NELL1: variants seen among roughly 807,000 people sequenced by gnomAD.
NELL1 encodes the protein protein kinase C-binding protein NELL1.
A neutral mutation model predicts 107.4 loss-of-function variants in NELL1; 76 were observed. The observed-to-expected ratio is 0.71, with a 90% CI of 0.59 to 0.86. The LOEUF is 0.86. Ranked by LOEUF, NELL1 falls within the 40% of genes least tolerant of loss-of-function variation. The probability of loss-of-function intolerance (pLI) is 0.00; values close to 1 mark genes in which losing one functional copy is unlikely to be tolerated. For synonymous variants in NELL1, 353 were observed against 341.2 expected (o/e 1.03, Z -0.38); for missense variants, 1,024 against 1,005.5 (o/e 1.02, Z -0.25).
chr11:21,023,432 T>G (rs1852745714), intron 12 of NELL1, among the ~76,000 whole-genome samples: 1 of 152,130 alleles, frequency 6.6e-6, no homozygotes, highest in Non-Finnish European at 1.5e-5. Context: ...TTCAAAATTA[T>G]GTGAATCTAA....
chr11:21,109,317 T>G (rs1470382471), intron 12 of NELL1, among the ~76,000 whole-genome samples: 1 of 152,158 alleles, frequency 6.6e-6, no homozygotes, highest in East Asian at 1.9e-4. Flanking sequence ...TATCAGCCTG[T>G]GCCCAAAAAT....
At chr11:20,916,751 A>ATTC (rs1850267026) in intron 5 of NELL1, among the ~76,000 whole-genome samples, 2 of 151,974 alleles carry the variant, frequency 1.3e-5, no homozygotes, top group African/African-American at 4.8e-5. Context: ...TATTATTATT[A>ATTC]TTATTATTTG....
chr11:21,226,778 G>C (rs183517727), intron 13 of NELL1, among the ~76,000 whole-genome samples: 1 of 152,286 alleles, frequency 6.6e-6, no homozygotes, highest in Non-Finnish European at 1.5e-5. Context: ...TTCTAAGATA[G>C]ATGAAATTCA....
intron 12 of NELL1, among the ~76,000 whole-genome samples, chr11:20,990,695 G>C (rs1466765902): frequency 6.6e-6 from 1 of 152,144 alleles, no homozygotes; most frequent in African/African-American, 2.4e-5. Context: ...CTTTCTCCCT[G>C]AGCTGTCATT....
intron 5 of NELL1, among the ~76,000 whole-genome samples, chr11:20,914,032 T>A (rs1465602): frequency 0.57 from 85,959 of 151,888 alleles, 29,360 homozygotes; most frequent in Non-Finnish European, 0.76. Flanking sequence ...TGTAGCAACA[T>A]GTTGTTGGTT....
intron 16 of NELL1, among the ~76,000 whole-genome samples, chr11:21,538,021 T>C (rs1856182133): frequency 6.6e-6 from 1 of 152,142 alleles, no homozygotes; most frequent in South Asian, 2.1e-4. Context: ...CATAGCTTAA[T>C]AGCACTGAAA....
chr11:21,051,022 C>T (rs184878070), intron 12 of NELL1, among the ~76,000 whole-genome samples: 6 of 152,204 alleles, frequency 3.9e-5, no homozygotes, highest in South Asian at 4.2e-4. Context: ...ACCCAATGCT[C>T]GAAACCCGGT....
At chr11:20,720,918 G>C (rs1347641463) in intron 2 of NELL1, among the ~76,000 whole-genome samples, 1 of 151,976 alleles carries the variant, frequency 6.6e-6, no homozygotes, top group Non-Finnish European at 1.5e-5. Flanking sequence ...TGAATTTTTG[G>C]GGGGACACAG....
At chr11:20,881,991 A>C (rs1002170741) in intron 4 of NELL1, among the ~76,000 whole-genome samples, 3 of 152,224 alleles carry the variant, frequency 2.0e-5, no homozygotes, top group African/African-American at 7.2e-5. Flanking sequence ...GAGAGCAAGG[A>C]GTTCACTATA....
intron 4 of NELL1, among the ~76,000 whole-genome samples, chr11:20,881,719 T>G (rs949438288): frequency 1.3e-5 from 2 of 152,182 alleles, no homozygotes; most frequent in Non-Finnish European, 2.9e-5. Flanking sequence ...GTTTTGTTTT[T>G]TTTTTCCCTT....
intron 13 of NELL1, among the ~76,000 whole-genome samples, chr11:21,179,769 T>C (rs1856788572): frequency 6.6e-6 from 1 of 151,412 alleles, no homozygotes; most frequent in Non-Finnish European, 1.5e-5. Flanking sequence ...ATTTTGCACA[T>C]AGTTTGAGTT....
At chr11:21,062,518 T>C (rs1853765828) in intron 12 of NELL1, among the ~76,000 whole-genome samples, 1 of 152,232 alleles carries the variant, frequency 6.6e-6, no homozygotes, top group Non-Finnish European at 1.5e-5. Context: ...GAACTAGTTA[T>C]AAACCAAAAG....
intron 13 of NELL1, among the ~76,000 whole-genome samples, chr11:21,198,571 C>G (rs1402210256): frequency 6.6e-6 from 1 of 152,174 alleles, no homozygotes; most frequent in Non-Finnish European, 1.5e-5. Flanking sequence ...TGTCAGGAAG[C>G]TTAATTTTCC....
At chr11:21,266,139 G>A (rs949305314) in intron 14 of NELL1, among the ~76,000 whole-genome samples, 5 of 152,020 alleles carry the variant, frequency 3.3e-5, no homozygotes, top group Non-Finnish European at 7.4e-5. Flanking sequence ...AACCCAGTGA[G>A]GTCACTCTGG....
chr11:21,015,471 G>A (rs865958209), intron 12 of NELL1, among the ~76,000 whole-genome samples: 2 of 152,206 alleles, frequency 1.3e-5, no homozygotes, highest in Middle Eastern at 6.8e-3. Flanking sequence ...GTGTTGGCCT[G>A]ACAATGTATT....
At chr11:21,078,679 G>T (rs1406723138) in intron 12 of NELL1, among the ~76,000 whole-genome samples, 1 of 152,016 alleles carries the variant, frequency 6.6e-6, no homozygotes, top group East Asian at 1.9e-4. Context: ...CATGCATACT[G>T]CATGGGTATG....
intron 14 of NELL1, among the ~76,000 whole-genome samples, chr11:21,272,416 T>A (rs888301351): frequency 6.6e-6 from 1 of 152,186 alleles, no homozygotes. Context: ...AAGCTCGAAC[T>A]GGGTGGAGCC....
rs188839535 is a variant in NELL1, at chr11:20,727,530, C to T, written c.184+49470C>T. Reference sequence around the variant, plus strand: ...TCAGATGGGTAGATTGTAAAATTTTCTCCCATTCTGTAGGTTGCCTGTTCA... The same window carrying T: ...TCAGATGGGTAGATTGTAAAATTTTTTCCCATTCTGTAGGTTGCCTGTTCA... On this transcript the variant is annotated intron_variant, in intron 2 of 19. Transcript: ENST00000357134. Among the ~76,000 whole-genome samples, 1,199 of 152,206 alleles carry T rather than the reference C, an allele frequency of 7.9e-3. 15 individuals carry two copies. The highest frequency in any genetic ancestry group is 0.028 in the African/African-American group (1,146 of 41,536).
At chr11:21,490,092 G>T (rs1486401509) in intron 15 of NELL1, among the ~76,000 whole-genome samples, 1 of 152,028 alleles carries the variant, frequency 6.6e-6, no homozygotes, top group Non-Finnish European at 1.5e-5. Flanking sequence ...ATTCAGTAAA[G>T]CTGTAGGAGA....
Sources: allele counts gnomAD v4.1 joint callset (sites outside exome capture counted in the v4.1 genomes callset), GRCh38; gene constraint gnomAD v4.1.1; transcripts MANE v1.5; gene names NCBI Gene and HGNC (gene_info 2026-07-23, HGNC 2026-07-21).